Variants in CNTN6 observed in about 807,000 individuals in gnomAD.
CNTN6 encodes contactin-6.
A neutral mutation model predicts 122.8 loss-of-function variants in CNTN6; 137 were observed. The ratio of observed to expected loss-of-function variants is 1.12; its 90% CI spans 0.97 to 1.29. CNTN6 has a LOEUF of 1.29. CNTN6 is among the 50% of genes most tolerant of loss of function. The pLI is 0.00. For missense variants in CNTN6, 1,634 were observed against 1,223.4 expected (o/e 1.34, Z -5.01); for synonymous variants, 570 against 426.0 (o/e 1.34, Z -4.16).
At chr3:1,205,754 A>G (rs748175260) in intron 2 of CNTN6, among the ~76,000 whole-genome samples, 14 of 152,234 alleles carry the variant, frequency 9.2e-5, no homozygotes, top group Non-Finnish European at 1.6e-4. Context: ...TGTTCAAAGA[A>G]GAATCCAAAG....
chr3:1,390,315 A>G (rs375582036), intron 20 of CNTN6, among the ~76,000 whole-genome samples: 9 of 151,874 alleles, frequency 5.9e-5, no homozygotes, highest in Admixed American at 1.3e-4. Context: ...TGACTACTGG[A>G]TACATAACGA....
intron 1 of CNTN6, among the ~76,000 whole-genome samples, chr3:1,130,502 C>T (rs1488250522): frequency 1.3e-5 from 2 of 152,054 alleles, no homozygotes; most frequent in African/African-American, 4.8e-5. Flanking sequence ...TCTTTCTAGC[C>T]CCGTTGTTGA....
intron 11 of CNTN6, among the ~76,000 whole-genome samples, chr3:1,351,553 G>GTTTT (rs5846109): frequency 7.2e-6 from 1 of 138,552 alleles, no homozygotes; most frequent in African/African-American, 2.6e-5. Flanking sequence ...AAATCTCAGG[G>GTTTT]TTTTTTTTTT....
chr3:1,269,021 A>C (rs923833495), intron 4 of CNTN6, among the ~76,000 whole-genome samples: 2 of 152,122 alleles, frequency 1.3e-5, no homozygotes, highest in Non-Finnish European at 2.9e-5. Context: ...AAAATTCAAA[A>C]CATCCTAATT....
Position 1,298,867 on chromosome 3 carries a change from G to A in CNTN6, c.761+876G>A, listed in dbSNP as rs557157117. The stretch of plus-strand genomic sequence containing the variant: ...AGTAAAAGACTTGACTGACTCAGAG[G>A]TAAGCTCGGAGGGCTTACCTCTAAA... On this transcript the variant is annotated intron_variant, in intron 7 of 22. Coordinates refer to ENST00000446702, the MANE Select transcript of CNTN6 (RefSeq NM_001289080.2). 3.9e-5 allele frequency among the ~76,000 whole-genome samples: 6 copies of A among 152,164 alleles called. No individual in the cohort carries two copies. In the South Asian group the frequency reaches 1.2e-3, roughly 32 times the overall value.
At chr3:1,334,591 G>A (rs545491144) in intron 11 of CNTN6, among the ~76,000 whole-genome samples, 9 of 152,022 alleles carry the variant, frequency 5.9e-5, no homozygotes, top group Middle Eastern at 3.2e-3. Flanking sequence ...TGATTTGCTT[G>A]GGTGACCAGG....
At chr3:1,256,712 G>T (rs1450998871) in intron 4 of CNTN6, among the ~76,000 whole-genome samples, 11 of 151,990 alleles carry the variant, frequency 7.2e-5, no homozygotes. Context: ...AGACATCAGG[G>T]AATATAAATA....
chr3:1,148,469 C>T (rs1384520876), intron 2 of CNTN6, among the ~76,000 whole-genome samples: 1 of 151,642 alleles, frequency 6.6e-6, no homozygotes, highest in East Asian at 1.9e-4. Flanking sequence ...ATATTTCTCT[C>T]ATGTTTAGAA....
chr3:1,391,333 A>G (rs1251369687), intron 20 of CNTN6, among the ~76,000 whole-genome samples: 16 of 124,100 alleles, frequency 1.3e-4, no homozygotes, highest in Non-Finnish European at 4.9e-5. Flanking sequence ...ATGCAGAAAA[A>G]GCCTTTGACA....
At chr3:1,329,222 TG>T (rs1559839577) in intron 10 of CNTN6, among the ~76,000 whole-genome samples, 1 of 150,198 alleles carries the variant, frequency 6.7e-6, no homozygotes, top group Non-Finnish European at 1.5e-5. Flanking sequence ...TGTATATATA[TG>T]GATACACATG....
At chr3:1,301,314 C>T (rs1282995687) in intron 7 of CNTN6, among the ~76,000 whole-genome samples, 2 of 151,918 alleles carry the variant, frequency 1.3e-5, no homozygotes, top group Non-Finnish European at 2.9e-5. Context: ...GTATTACAAG[C>T]GTGAGCCACT....
rs191600695 is a variant in CNTN6 at position 1,382,962 on chromosome 3, G to A, written c.2187G>A (p.Gln729=). 5.0e-5 allele frequency: 80 copies of A among 1,613,908 alleles called. No individual in the cohort carries two copies. In the East Asian group the frequency reaches 6.5e-4, roughly 13 times the overall value. Residue 729 remains glutamine (Q), a synonymous_variant, in exon 18 of 23, where the codon CAG becomes CAA. Transcript: ENST00000446702. Reference sequence around the variant, plus strand: ...CCAAGTCAATTCCAGAAGAACTGCAGAATGGGGAGGGATTTGGATATATCA... The same window carrying A: ...CCAAGTCAATTCCAGAAGAACTGCAAAATGGGGAGGGATTTGGATATATCA... ...ITWESIPEEL[Q]NGEGFGYIIM... is the part of the protein sequence containing the mutation.
chr3:1,252,914 G>A (rs1328358740), intron 4 of CNTN6, among the ~76,000 whole-genome samples: 1 of 152,090 alleles, frequency 6.6e-6, no homozygotes, highest in Non-Finnish European at 1.5e-5. Context: ...ATGTTCTCAG[G>A]GCATTTCCTT....
chr3:1,180,191 G>T (rs1348927537), intron 2 of CNTN6, among the ~76,000 whole-genome samples: 1 of 152,124 alleles, frequency 6.6e-6, no homozygotes, highest in Non-Finnish European at 1.5e-5. Context: ...GAAAGAGAAA[G>T]AGTAAATGAA....
chr3:1,197,404 T>C (rs1166073404), intron 2 of CNTN6, among the ~76,000 whole-genome samples: 1 of 152,206 alleles, frequency 6.6e-6, no homozygotes, highest in Non-Finnish European at 1.5e-5. Context: ...AATCGGCCTT[T>C]GTGATTTGCC....
At chr3:1,298,154 A>G in intron 7 of CNTN6, 163 bp downstream of exon 7, 1 of 574,636 alleles carries the variant, frequency 1.7e-6, no homozygotes, top group Non-Finnish European at 3.1e-6. Flanking sequence ...AACATGTCTA[A>G]TACTGAGACA....
intron 4 of CNTN6, among the ~76,000 whole-genome samples, chr3:1,244,629 G>C (rs184851670): frequency 2.0e-5 from 3 of 152,212 alleles, no homozygotes; most frequent in South Asian, 4.1e-4. Context: ...AATTTCATGC[G>C]TGTCTGTGTG....
At chr3:1,280,035 G>A (rs17037108) in intron 5 of CNTN6, among the ~76,000 whole-genome samples, 11,119 of 151,962 alleles carry the variant, frequency 0.073, 539 homozygotes, top group African/African-American at 0.13. Context: ...ATTATTTTCC[G>A]GCACCATAAT....
At chr3:1,276,800 ATTTAC>A (rs1489033275) in intron 4 of CNTN6, among the ~76,000 whole-genome samples, 2 of 152,154 alleles carry the variant, frequency 1.3e-5, no homozygotes, top group Non-Finnish European at 2.9e-5. Flanking sequence ...CAAGATAGAA[ATTTAC>A]TTATATGTAA....
Sources: allele counts gnomAD v4.1 joint callset (sites outside exome capture counted in the v4.1 genomes callset), GRCh38; gene constraint gnomAD v4.1.1; transcripts MANE v1.5; gene names NCBI Gene and HGNC (gene_info 2026-07-23, HGNC 2026-07-21).